RAPGEF6: variants seen among roughly 807,000 people sequenced by gnomAD.
The protein encoded by RAPGEF6 is PDZ domain containing guanine nucleotide exchange factor (GEF) 2.
Under a neutral mutation model 171.4 loss-of-function variants are expected in RAPGEF6, and 56 were observed. That is an observed-to-expected ratio of 0.33 (90% CI 0.26 to 0.41). RAPGEF6 has a LOEUF of 0.41. Among genes scored for constraint, RAPGEF6 ranks in the 10% least tolerant of loss-of-function variants. The pLI is 1.00. For missense variants in RAPGEF6, 1,674 were observed against 1,921.4 expected (o/e 0.87, Z 2.41); for synonymous variants, 692 against 650.1 (o/e 1.06, Z -0.98).
Position 131,516,321 on chromosome 5 carries a change from TG to T in RAPGEF6, c.627+5068del, listed in dbSNP as rs1191754878. 2.0e-5 allele frequency among the ~76,000 whole-genome samples: 3 copies of T among 152,082 alleles called. No homozygotes were observed. In the East Asian group the frequency reaches 5.8e-4, roughly 29 times the overall value. ...CTGGTCTCAAACTCCTGACCTCAAG[TG>T]ATCCACCGAACCCAGCCTCAGATGA... On this transcript the variant is annotated intron_variant, in intron 7 of 27. Coordinates refer to ENST00000509018, the MANE Select transcript of RAPGEF6 (RefSeq NM_016340.6).
At chr5:131,478,450 G>A (rs1248228260) in intron 16 of RAPGEF6, among the ~76,000 whole-genome samples, 1 of 152,114 alleles carries the variant, frequency 6.6e-6, no homozygotes, top group Non-Finnish European at 1.5e-5. Flanking sequence ...TCCCTGTCAT[G>A]ACATGATGAA....
intron 1 of RAPGEF6, among the ~76,000 whole-genome samples, chr5:131,626,104 C>A (rs1765913055): frequency 6.6e-6 from 1 of 152,190 alleles, no homozygotes; most frequent in Non-Finnish European, 1.5e-5. Flanking sequence ...ATTATCCAAA[C>A]CCTGCTAGTA....
At chr5:131,525,661 TG>T (rs1354945665) in intron 6 of RAPGEF6, among the ~76,000 whole-genome samples, 60 of 62,566 alleles carry the variant, frequency 9.6e-4, no homozygotes, top group African/African-American at 3.8e-3. Context: ...CATTTAGATA[TG>T]AAAAAAAAAA....
At chr5:131,510,281 C>A (rs762813091) in intron 8 of RAPGEF6, 33 bp downstream of exon 8, 1 of 1,563,884 alleles carries the variant, frequency 6.4e-7, no homozygotes, top group Non-Finnish European at 8.7e-7. Context: ...AATTAAGTTA[C>A]AAATTCTTAT....
At chr5:131,512,434 T>C (rs1272191784) in intron 7 of RAPGEF6, among the ~76,000 whole-genome samples, 1 of 151,676 alleles carries the variant, frequency 6.6e-6, no homozygotes. Flanking sequence ...AGTGGTATGA[T>C]CACAGCTCAC....
intron 1 of RAPGEF6, among the ~76,000 whole-genome samples, chr5:131,613,640 T>G (rs1022053669): frequency 5.3e-5 from 8 of 152,144 alleles, no homozygotes; most frequent in African/African-American, 1.4e-4. Flanking sequence ...AATAAAACTT[T>G]ACTTACAAAA....
intron 8 of RAPGEF6, 37 bp downstream of exon 8, chr5:131,510,277 G>A (rs1444694509): frequency 6.4e-7 from 1 of 1,551,026 alleles, no homozygotes; most frequent in Non-Finnish European, 8.7e-7. Flanking sequence ...TATAAATTAA[G>A]TTACAAATTC....
At chr5:131,470,834 T>C (rs1353539845) in intron 17 of RAPGEF6, among the ~76,000 whole-genome samples, 1 of 152,112 alleles carries the variant, frequency 6.6e-6, no homozygotes, top group Non-Finnish European at 1.5e-5. Flanking sequence ...GAGAGGGCCA[T>C]GGGTGGCAAA....
At chr5:131,439,980 A>C in intron 23 of RAPGEF6, 1 of 520,180 alleles carries the variant, frequency 1.9e-6, no homozygotes, top group Non-Finnish European at 3.3e-6. Context: ...AAATCAATTT[A>C]ACAGTCTGAG....
At chr5:131,602,005 A>T (rs1007981049) in intron 3 of RAPGEF6, among the ~76,000 whole-genome samples, 3 of 149,720 alleles carry the variant, frequency 2.0e-5, no homozygotes, top group African/African-American at 4.9e-5. Flanking sequence ...AGTGTACTCC[A>T]GCCTGGGCGA....
chr5:131,608,587 C>T (rs925580747), intron 1 of RAPGEF6, among the ~76,000 whole-genome samples: 26 of 152,278 alleles, frequency 1.7e-4, no homozygotes, highest in Admixed American at 1.6e-3. Context: ...CCTGCCAAAA[C>T]TCATGCTAAA....
chr5:131,568,319 T>A lies in RAPGEF6; in HGVS notation c.282-6272A>T, dbSNP rs867242750. On this transcript the variant is annotated intron_variant, in intron 4 of 27. Coordinates refer to ENST00000509018, the MANE Select transcript of RAPGEF6 (RefSeq NM_016340.6). ...CATTTTAATTCCTTTGTTGATTTTT[T>A]AAATGTTATTTTTGTTATTTTTTTT... 1.4e-4 allele frequency among the ~76,000 whole-genome samples: 19 copies of A among 138,308 alleles called. No homozygotes were observed. In the Middle Eastern group the frequency reaches 0.025, roughly 179 times the overall value. The allele number at this position is 138,308 out of a possible 152,430, so 90.7% of individuals were successfully genotyped here.
At chr5:131,539,357 A>C (rs1011733006) in intron 6 of RAPGEF6, among the ~76,000 whole-genome samples, 1 of 152,256 alleles carries the variant, frequency 6.6e-6, no homozygotes, top group Admixed American at 6.5e-5. Context: ...CTTTCACTTA[A>C]ACAGTTCAAA....
chr5:131,540,301 C>T (rs1561546902), intron 6 of RAPGEF6, among the ~76,000 whole-genome samples: 1 of 152,198 alleles, frequency 6.6e-6, no homozygotes, highest in Non-Finnish European at 1.5e-5. Context: ...GGTGCAGAAG[C>T]TCATGTCTAT....
intron 17 of RAPGEF6, among the ~76,000 whole-genome samples, chr5:131,466,374 A>AGTG (rs1754347105): frequency 6.6e-6 from 1 of 152,182 alleles, no homozygotes. Flanking sequence ...TGACATCATC[A>AGTG]GGTTTTTAAA....
intron 1 of RAPGEF6, among the ~76,000 whole-genome samples, chr5:131,609,936 A>G (rs551729735): frequency 6.6e-6 from 1 of 152,326 alleles, no homozygotes; most frequent in South Asian, 2.1e-4. Context: ...AAGCAAACAC[A>G]GGAGTATGAT....
intron 1 of RAPGEF6, among the ~76,000 whole-genome samples, chr5:131,619,731 T>C (rs1040622058): frequency 6.6e-5 from 10 of 152,210 alleles, no homozygotes; most frequent in African/African-American, 2.4e-4. Flanking sequence ...TCTACAGCAT[T>C]TGACTGCTGA....
intron 19 of RAPGEF6, among the ~76,000 whole-genome samples, chr5:131,459,998 T>G (rs975653584): frequency 6.6e-6 from 1 of 152,146 alleles, no homozygotes; most frequent in African/African-American, 2.4e-5. Flanking sequence ...ACCTTTGCCA[T>G]CTCTGCTGAA....
chr5:131,521,241 T>C (rs757947694), intron 7 of RAPGEF6, 149 bp downstream of exon 7: 7 of 674,406 alleles, frequency 1.0e-5, no homozygotes, highest in Non-Finnish European at 1.6e-5. Context: ...GCTTACAAAT[T>C]TGACACAGTA....
Sources: gnomAD v4.1 joint callset for allele counts (sites outside exome capture counted in the v4.1 genomes callset) on GRCh38, gnomAD v4.1.1 for gene constraint, MANE v1.5 for transcripts, NCBI Gene and HGNC (gene_info 2026-07-23, HGNC 2026-07-21) for gene names.